The following LRRC37A3 variants were observed in gnomAD, a reference collection of about 807,000 sequenced individuals.
LRRC37A3 encodes the protein leucine-rich repeat-containing protein 37A3.
Under a neutral mutation model 106.2 loss-of-function variants are expected in LRRC37A3, and 25 were observed. The observed-to-expected ratio is 0.24, with a 90% CI of 0.17 to 0.33. The LOEUF (loss-of-function observed/expected upper bound fraction) is 0.33. LRRC37A3 is among the 10% of genes least tolerant of loss of function. The pLI is 1.00. For synonymous variants in LRRC37A3, 305 were observed against 635.8 expected (o/e 0.48, Z 7.83); for missense variants, 712 against 1,644.9 (o/e 0.43, Z 9.81).
intron 10 of LRRC37A3, among the ~76,000 whole-genome samples, chr17:64,867,222 G>GTCCCA (rs1973146843): frequency 6.7e-6 from 1 of 148,372 alleles, no homozygotes; most frequent in African/African-American, 2.5e-5. Context: ...TTTAGACAGA[G>GTCCCA]TCCCACTCTG....
intron 8 of LRRC37A3, among the ~76,000 whole-genome samples, chr17:64,871,965 G>A (rs1973330453): frequency 6.6e-6 from 1 of 151,560 alleles, no homozygotes; most frequent in African/African-American, 2.4e-5. Context: ...AACCCCGTCT[G>A]TACTAAATAT....
chr17:64,910,133 C>G (rs1974555402), intron 2 of LRRC37A3: 1 of 152,360 alleles, frequency 6.6e-6, no homozygotes, highest in Admixed American at 6.5e-5. Flanking sequence ...TGGTCATAAT[C>G]TGTTATTTAA....
At chr17:64,872,369 C>G (rs1973353047) in intron 8 of LRRC37A3, among the ~76,000 whole-genome samples, 1 of 152,138 alleles carries the variant, frequency 6.6e-6, no homozygotes, top group African/African-American at 2.4e-5. Context: ...TCCTCACTCT[C>G]TAGCTCAGTA....
At chr17:64,869,060 C>T in intron 9 of LRRC37A3, 35 bp downstream of exon 9, 1 of 1,559,406 alleles carries the variant, frequency 6.4e-7, no homozygotes, top group South Asian at 1.2e-5. Flanking sequence ...AAGCATAAAT[C>T]ATCTCTTGAC....
intron 2 of LRRC37A3, among the ~76,000 whole-genome samples, chr17:64,914,284 C>T (rs898074077): frequency 7.2e-5 from 11 of 152,214 alleles, no homozygotes; most frequent in African/African-American, 1.7e-4. Context: ...AGGGGCTGGG[C>T]GCAGTGGCTC....
At chr17:64,855,754 A>T in intron 14 of LRRC37A3, 86 bp downstream of exon 14, 1 of 1,595,256 alleles carries the variant, frequency 6.3e-7, no homozygotes, top group Non-Finnish European at 8.6e-7. Context: ...GTGAGCCGAG[A>T]TCGCGTCATT....
At chr17:64,865,357 TG>T (rs1435238856) in intron 10 of LRRC37A3, among the ~76,000 whole-genome samples, 5 of 152,212 alleles carry the variant, frequency 3.3e-5, no homozygotes, top group Non-Finnish European at 7.3e-5. Flanking sequence ...TTGTCCAGGC[TG>T]GTCTCGAACT....
chr17:64,899,587 A>AC (rs1225315121), intron 2 of LRRC37A3, among the ~76,000 whole-genome samples: 10 of 145,750 alleles, frequency 6.9e-5, no homozygotes, highest in Non-Finnish European at 5.9e-5. Flanking sequence ...AAAATATTCC[A>AC]CCCAAGATAC....
chr17:64,854,589 G>A lies in LRRC37A3; in HGVS notation c.*10C>T, dbSNP rs761004027. On this transcript the variant is annotated 3_prime_UTR_variant, in exon 15 of 15. Coordinates refer to ENST00000584306, the MANE Select transcript of LRRC37A3 (RefSeq NM_199340.5). ...TTTGCAGGAGGCCTGAGGTGGGCTG[G>A]GTTCTCCTCCTATGGCAGGGCTTCA... is the stretch of plus-strand genomic sequence containing the variant. The A allele has an allele frequency of 6.2e-7, 1 of 1,613,904 alleles. No individual in the cohort carries two copies. The highest frequency in any genetic ancestry group is 1.1e-5 in the South Asian group (1 of 91,072).
At chr17:64,857,628 T>C (rs1972722630) in intron 13 of LRRC37A3, among the ~76,000 whole-genome samples, 2 of 152,084 alleles carry the variant, frequency 1.3e-5, no homozygotes, top group African/African-American at 2.4e-5. Flanking sequence ...GTCTCTCATA[T>C]GGTGTCCAAG....
Position 64,854,524 on chromosome 17 carries a change from A to G in LRRC37A3, c.*75T>C. 1 of 1,608,192 alleles carries G rather than the reference A, an allele frequency of 6.2e-7. No individual in the cohort carries two copies. Among genetic ancestry groups the G allele is most frequent in the Non-Finnish European group, 8.5e-7 (1 of 1,174,778 alleles). On this transcript the variant is annotated 3_prime_UTR_variant, in exon 15 of 15. Coordinates refer to ENST00000584306, the MANE Select transcript of LRRC37A3 (RefSeq NM_199340.5). ...TGTGGATGTGTGGGCCGCTGGCTTC[A>G]GTCCTGCTTTTTTGATGGCCGTTGT...
intron 2 of LRRC37A3, among the ~76,000 whole-genome samples, chr17:64,915,030 CAGAT>C (rs1974672491): frequency 6.6e-6 from 1 of 152,104 alleles, no homozygotes. Flanking sequence ...AAAACTCAGT[CAGAT>C]AGAAGGAATA....
At chr17:64,916,415 TAAATA>T (rs1421593771) in intron 2 of LRRC37A3, among the ~76,000 whole-genome samples, 16 of 151,410 alleles carry the variant, frequency 1.1e-4, no homozygotes, top group Non-Finnish European at 1.5e-4. Flanking sequence ...AATAAATAAA[TAAATA>T]AAATAAAATA....
intron 10 of LRRC37A3, chr17:64,863,588 A>G (rs1972952337): frequency 6.5e-6 from 1 of 153,516 alleles, no homozygotes; most frequent in East Asian, 1.9e-4. Context: ...TTGAAAAAGA[A>G]AGAGGGGGAG....
intron 2 of LRRC37A3, among the ~76,000 whole-genome samples, chr17:64,916,942 CAAA>C (rs904117316): frequency 5.8e-5 from 6 of 104,010 alleles, no homozygotes; most frequent in African/African-American, 7.1e-5. Flanking sequence ...TTAAGGTGGC[CAAA>C]AAAAAAAAAA....
chr17:64,865,365 A>C (rs1973028217), intron 10 of LRRC37A3, among the ~76,000 whole-genome samples: 1 of 152,172 alleles, frequency 6.6e-6, no homozygotes, highest in Non-Finnish European at 1.5e-5. Context: ...GCTGGTCTCG[A>C]ACTCCTGGGC....
At chr17:64,874,857 C>A (rs911053876) in intron 8 of LRRC37A3, among the ~76,000 whole-genome samples, 1 of 151,884 alleles carries the variant, frequency 6.6e-6, no homozygotes, top group Non-Finnish European at 1.5e-5. Flanking sequence ...GGATTAAGGG[C>A]GGTGCAAGAT....
intron 8 of LRRC37A3, among the ~76,000 whole-genome samples, chr17:64,872,754 T>C (rs2143460957): frequency 6.6e-6 from 1 of 152,312 alleles, no homozygotes; most frequent in Middle Eastern, 3.4e-3. Flanking sequence ...CCATAAGACA[T>C]ATTCCTGGCA....
At chr17:64,882,701 G>T (rs1973744327) in intron 8 of LRRC37A3, among the ~76,000 whole-genome samples, 7 of 151,218 alleles carry the variant, frequency 4.6e-5, no homozygotes, top group Admixed American at 4.6e-4. Flanking sequence ...AGCTCAATTT[G>T]CCATCACAGT....
Sources: gnomAD v4.1 joint callset for allele counts (sites outside exome capture counted in the v4.1 genomes callset) on GRCh38, gnomAD v4.1.1 for gene constraint, MANE v1.5 for transcripts, NCBI Gene and HGNC (gene_info 2026-07-23, HGNC 2026-07-21) for gene names.